The following UTRN variants were observed in gnomAD, a reference collection of about 807,000 sequenced individuals.
UTRN encodes dystrophin-related protein 1.
Under a neutral mutation model 463.9 loss-of-function variants are expected in UTRN, and 283 were observed. The observed-to-expected ratio is 0.61, with a 90% CI of 0.55 to 0.67. UTRN has a LOEUF of 0.67. UTRN is among the 30% of genes least tolerant of loss of function. The pLI is 0.00. For synonymous variants in UTRN, 1,442 were observed against 1,431.5 expected (o/e 1.01, Z -0.17); for missense variants, 3,922 against 4,084.3 (o/e 0.96, Z 1.08).
intron 51 of UTRN, among the ~76,000 whole-genome samples, chr6:144,611,746 A>G (rs1417951049): frequency 1.3e-5 from 2 of 152,216 alleles, no homozygotes; most frequent in Non-Finnish European, 2.9e-5. Flanking sequence ...TTAATGGATT[A>G]GAAGACTTCA....
At chr6:144,382,894 G>A (rs1033210127) in intron 2 of UTRN, among the ~76,000 whole-genome samples, 8 of 152,068 alleles carry the variant, frequency 5.3e-5, no homozygotes, top group African/African-American at 1.4e-4. Context: ...TCAGTGTTAC[G>A]TTTTAGATCA....
intron 61 of UTRN, 46 bp from the exon 62 acceptor site, chr6:144,789,148 T>G: frequency 6.9e-7 from 1 of 1,449,388 alleles, no homozygotes; most frequent in South Asian, 1.2e-5. Context: ...ACATGCTGTA[T>G]ATGGTTTTAA....
intron 54 of UTRN, among the ~76,000 whole-genome samples, chr6:144,742,352 G>A (rs1396953786): frequency 6.6e-6 from 1 of 152,162 alleles, no homozygotes; most frequent in South Asian, 2.1e-4. Flanking sequence ...GAAATGGTCA[G>A]GGCCCTCTCA....
chr6:144,463,646 GA>G (rs1789633643), intron 23 of UTRN, among the ~76,000 whole-genome samples: 1 of 150,658 alleles, frequency 6.6e-6, no homozygotes, highest in South Asian at 2.1e-4. Context: ...ATCAGTCAGG[GA>G]TCTTTGTCTT....
At chr6:144,384,463 A>T (rs1430593565) in intron 2 of UTRN, among the ~76,000 whole-genome samples, 1 of 150,710 alleles carries the variant, frequency 6.6e-6, no homozygotes, top group African/African-American at 2.4e-5. Flanking sequence ...TCCCGAAACC[A>T]CTCCCCCACT....
Position 144,426,359 on chromosome 6 carries a change from G to C in UTRN, c.478G>C (p.Val160Leu). The C allele has an allele frequency of 6.2e-7, 1 of 1,614,148 alleles. No individual in the cohort carries two copies. Among genetic ancestry groups the C allele is most frequent in the Non-Finnish European group, 8.5e-7 (1 of 1,180,026 alleles). The change falls in exon 7 of 75, where the codon GTG becomes CTG. Residue 160 changes from valine to leucine, a missense_variant. Val to Leu is a conservative substitution (Grantham distance 32). Transcript: ENST00000367545. Reference sequence around the variant, plus strand: ...CAGTGAGAAGATCCTGCTCAGCTGGGTGCGTCAGACCACCAGGCCCTACAG... The same window carrying C: ...CAGTGAGAAGATCCTGCTCAGCTGGCTGCGTCAGACCACCAGGCCCTACAG... Reference protein sequence around the residue: ...TNSEKILLSWVRQTTRPYSQV... With the variant: ...TNSEKILLSWLRQTTRPYSQV...
chr6:144,396,017 A>G (rs187601228), intron 2 of UTRN, among the ~76,000 whole-genome samples: 118 of 151,976 alleles, frequency 7.8e-4, no homozygotes, highest in African/African-American at 2.7e-3. Context: ...TTAACCTAGC[A>G]ATTTCACTCC....
In UTRN at chr6:144,839,265, C is replaced by G. The variant is rs150292493; in HGVS notation, c.10158C>G (p.Gly3386=). 3.7e-6 allele frequency: 6 copies of G among 1,613,682 alleles called. No homozygotes were observed. Among genetic ancestry groups the G allele is most frequent in the Non-Finnish European group, 5.1e-6 (6 of 1,179,898 alleles). ...LSYSLDPDAS[G]PQFHQAAGED... is the part of the protein sequence containing the mutation. ...ACTCGCTTGATCCAGATGCCTCCGG[C>G]CCACAGTTCCACCAGGCAGGTCGGT... The change falls in exon 72 of 75, where the codon GGC becomes GGG. Residue 3386 remains glycine, a synonymous_variant. Transcript: ENST00000367545.
chr6:144,683,783 A>G (rs1006661749), intron 52 of UTRN, among the ~76,000 whole-genome samples: 1 of 152,114 alleles, frequency 6.6e-6, no homozygotes, highest in Admixed American at 6.6e-5. Flanking sequence ...TGCTATGGAC[A>G]CCAAACGGCC....
intron 51 of UTRN, among the ~76,000 whole-genome samples, chr6:144,630,363 G>C (rs548594194): frequency 6.6e-6 from 1 of 152,318 alleles, no homozygotes; most frequent in South Asian, 2.1e-4. Context: ...GACACTGGGT[G>C]ATTTATAAAG....
intron 48 of UTRN, among the ~76,000 whole-genome samples, chr6:144,552,237 AGGG>A: frequency 6.6e-6 from 1 of 152,358 alleles, no homozygotes; most frequent in African/African-American, 2.4e-5. Context: ...TGGTAGCAAC[AGGG>A]TTATTATAGG....
chr6:144,762,416 A>G (rs1480413825), intron 58 of UTRN, among the ~76,000 whole-genome samples: 1 of 152,156 alleles, frequency 6.6e-6, no homozygotes, highest in Non-Finnish European at 1.5e-5. Context: ...CATACCATAG[A>G]CGGTTACCAT....
intron 25 of UTRN, 138 bp downstream of exon 25, chr6:144,474,897 G>A: frequency 1.1e-6 from 1 of 950,510 alleles, no homozygotes; most frequent in East Asian, 2.8e-5. Flanking sequence ...AGTGAGCTGG[G>A]GCCAAAAAAA....
chr6:144,557,287 C>G lies in UTRN; in HGVS notation c.7265C>G (p.Thr2422Arg), dbSNP rs763204330. ...AAAGAAACCACAGAGTACTTAAAAA[C>G]ATCATGGATCAATCTCAAACAAAGG... ...NVKETTEYLK[T>R]SWINLKQSIA... The change falls in exon 50 of 75, where the codon ACA becomes AGA. Residue 2422 changes from threonine to arginine, a missense_variant. Thr to Arg is a moderately conservative substitution (Grantham distance 71, BLOSUM62 -1). Transcript: ENST00000367545. The G allele has an allele frequency of 6.2e-7, 1 of 1,613,368 alleles. No homozygotes were observed. The highest frequency in any genetic ancestry group is 2.2e-5 in the East Asian group (1 of 44,748).
intron 55 of UTRN, 104 bp from the exon 56 acceptor site, chr6:144,751,702 A>T: frequency 8.9e-7 from 1 of 1,126,634 alleles, no homozygotes; most frequent in Non-Finnish European, 1.2e-6. Flanking sequence ...AAATCTGTGC[A>T]TATGTGAACC....
chr6:144,684,140 C>A (rs970812933), intron 52 of UTRN, among the ~76,000 whole-genome samples: 9 of 151,584 alleles, frequency 5.9e-5, no homozygotes, highest in Admixed American at 2.0e-4. Context: ...ACCTCCACCT[C>A]CTGGGTTTAA....
At chr6:144,778,335 G>GATT (rs1775517758) in intron 60 of UTRN, among the ~76,000 whole-genome samples, 1 of 152,218 alleles carries the variant, frequency 6.6e-6, no homozygotes, top group Non-Finnish European at 1.5e-5. Context: ...TTGCAGACTG[G>GATT]ATTTCATCAT....
At chr6:144,476,411 T>G (rs958039293) in intron 25 of UTRN, among the ~76,000 whole-genome samples, 5 of 151,746 alleles carry the variant, frequency 3.3e-5, no homozygotes, top group African/African-American at 1.2e-4. Flanking sequence ...AATATTAGGT[T>G]TGAAAATAAA....
Position 144,421,667 on chromosome 6 carries a change from C to T in UTRN, c.142-211C>T, listed in dbSNP as rs192088027. 6.9e-4 allele frequency among the ~76,000 whole-genome samples: 103 copies of T among 150,306 alleles called. 2 individuals carry two copies. The highest frequency in any genetic ancestry group is 1.1e-3 in the Non-Finnish European group (74 of 67,660). Reference sequence around the variant, plus strand: ...TCACTCCACTGCACTCCAGCCTGGGCGACAGAGTGAGACTCTGTCTAAAAA... The same window carrying T: ...TCACTCCACTGCACTCCAGCCTGGGTGACAGAGTGAGACTCTGTCTAAAAA... On this transcript the variant is annotated intron_variant, in intron 3 of 74. Coordinates refer to ENST00000367545, the MANE Select transcript of UTRN (RefSeq NM_007124.3).
Sources: gnomAD v4.1 joint callset for allele counts (sites outside exome capture counted in the v4.1 genomes callset) on GRCh38, gnomAD v4.1.1 for gene constraint, MANE v1.5 for transcripts, NCBI Gene and HGNC (gene_info 2026-07-23, HGNC 2026-07-21) for gene names.